The following GLYATL3 variants were observed in gnomAD, a reference collection of about 807,000 sequenced individuals.
GLYATL3 encodes glycine N-acyltransferase-like protein 3.
A neutral mutation model predicts 28.5 loss-of-function variants in GLYATL3; 31 were observed. The ratio of observed to expected loss-of-function variants is 1.09; its 90% CI spans 0.82 to 1.47. The LOEUF (loss-of-function observed/expected upper bound fraction) is 1.47, where lower values mean the gene tolerates loss of function less well. GLYATL3 is among the 40% of genes most tolerant of loss of function. The pLI is 0.00. For synonymous variants in GLYATL3, 141 were observed against 140.2 expected (o/e 1.01, Z -0.04); for missense variants, 369 against 351.5 (o/e 1.05, Z -0.40).
chr6:49,522,970 C>T (rs1769342183), intron 5 of GLYATL3, among the ~76,000 whole-genome samples: 2 of 151,720 alleles, frequency 1.3e-5, no homozygotes, highest in South Asian at 2.1e-4. Flanking sequence ...TAATATGTAA[C>T]TCTAAAAAAT....
At chr6:49,502,121 C>A (rs1372510248) in intron 1 of GLYATL3, among the ~76,000 whole-genome samples, 5 of 152,206 alleles carry the variant, frequency 3.3e-5, no homozygotes, top group African/African-American at 1.2e-4. Flanking sequence ...GGGGGTCTCC[C>A]TACATCTCCT....
chr6:49,519,479 A>C (rs1769278135), intron 4 of GLYATL3, among the ~76,000 whole-genome samples: 1 of 152,200 alleles, frequency 6.6e-6, no homozygotes, highest in African/African-American at 2.4e-5. Context: ...TGTTCTTGGA[A>C]TACTGAATAC....
At chr6:49,508,672 T>C (rs1473258780) in intron 1 of GLYATL3, among the ~76,000 whole-genome samples, 1 of 152,212 alleles carries the variant, frequency 6.6e-6, no homozygotes, top group Non-Finnish European at 1.5e-5. Flanking sequence ...CCTGAATGCA[T>C]GTCCCTTCAT....
At chr6:49,507,701 C>A (rs1466646186) in intron 1 of GLYATL3, among the ~76,000 whole-genome samples, 2 of 152,100 alleles carry the variant, frequency 1.3e-5, no homozygotes, top group Non-Finnish European at 2.9e-5. Context: ...ATCTAGCTAG[C>A]AGCCTGCAAT....
At chr6:49,507,776 A>G (rs1398267446) in intron 1 of GLYATL3, among the ~76,000 whole-genome samples, 2 of 152,058 alleles carry the variant, frequency 1.3e-5, no homozygotes, top group Non-Finnish European at 2.9e-5. Context: ...AGACACACAC[A>G]AGATAGTGAA....
At chr6:49,514,358 A>G (rs527388784) in intron 2 of GLYATL3, among the ~76,000 whole-genome samples, 1 of 152,302 alleles carries the variant, frequency 6.6e-6, no homozygotes, top group African/African-American at 2.4e-5. Context: ...CTGTTTTGTA[A>G]TCTACAGTAC....
At chr6:49,505,765 A>T (rs1397561639) in intron 1 of GLYATL3, among the ~76,000 whole-genome samples, 1 of 152,224 alleles carries the variant, frequency 6.6e-6, no homozygotes, top group Admixed American at 6.5e-5. Flanking sequence ...CAAAGTGGCC[A>T]TTTGATCAAG....
In GLYATL3 at chr6:49,520,096, G is replaced by C. The variant is rs188726835; in HGVS notation, c.314-1549G>C. Reference sequence around the variant, plus strand: ...TTTGTGGGAAAGGAGAAAATCATTTGTTAAAAGTCGTAACTTGTAAAGAAG... The same window carrying C: ...TTTGTGGGAAAGGAGAAAATCATTTCTTAAAAGTCGTAACTTGTAAAGAAG... On this transcript the variant is annotated intron_variant, in intron 4 of 5. Coordinates refer to ENST00000371197, the MANE Select transcript of GLYATL3 (RefSeq NM_001010904.2). Among the ~76,000 whole-genome samples, 3 of 152,264 alleles carry C rather than the reference G, an allele frequency of 2.0e-5. No individual in the cohort carries two copies. The East Asian group carries it at 5.8e-4, about 29-fold the overall frequency.
intron 1 of GLYATL3, among the ~76,000 whole-genome samples, chr6:49,511,093 C>G (rs1163679682): frequency 6.6e-6 from 1 of 152,238 alleles, no homozygotes; most frequent in Non-Finnish European, 1.5e-5. Context: ...GCTGAGTTCT[C>G]TTTGCCATCC....
chr6:49,524,751 GGTA>G (rs1228293994), intron 5 of GLYATL3, among the ~76,000 whole-genome samples: 1 of 151,922 alleles, frequency 6.6e-6, no homozygotes, highest in Non-Finnish European at 1.5e-5. Context: ...TGCCGAGGCG[GGTA>G]GATCACCCTG....
At chr6:49,523,159 A>G (rs186948273) in intron 5 of GLYATL3, among the ~76,000 whole-genome samples, 2 of 152,338 alleles carry the variant, frequency 1.3e-5, no homozygotes, top group Admixed American at 1.3e-4. Context: ...GAAAGGGAGC[A>G]TTGTGTAAAG....
chr6:49,523,597 C>T (rs1477961588), intron 5 of GLYATL3, among the ~76,000 whole-genome samples: 1 of 152,208 alleles, frequency 6.6e-6, no homozygotes, highest in Non-Finnish European at 1.5e-5. Flanking sequence ...CCTTGCAATT[C>T]GGCCTTTTTA....
intron 3 of GLYATL3, 77 bp downstream of exon 3, chr6:49,515,837 A>T (rs1671159606): frequency 1.2e-6 from 1 of 800,356 alleles, no homozygotes. Context: ...TTTTATAATC[A>T]TAGTAGCCAT....
At chr6:49,511,251 T>C (rs962900435) in intron 1 of GLYATL3, among the ~76,000 whole-genome samples, 1 of 152,068 alleles carries the variant, frequency 6.6e-6, no homozygotes, top group Non-Finnish European at 1.5e-5. Flanking sequence ...CCCCCAAATC[T>C]AAAAAAAATC....
At position 49,527,886 on chromosome 6, in the gene GLYATL3, C is replaced by T. The variant is rs2127242807; in HGVS notation, c.*972C>T. ...TTTGATAAGATAATAAATTTTAACC[C>T]TTTGATTACATATGAAAAATTTGAG... On this transcript the variant is annotated 3_prime_UTR_variant, in exon 6 of 6. Coordinates refer to ENST00000371197, the MANE Select transcript of GLYATL3 (RefSeq NM_001010904.2). Among the ~76,000 whole-genome samples the T allele has an allele frequency of 6.6e-6, 1 of 151,968 alleles. No individual in the cohort carries two copies. The highest frequency in any genetic ancestry group is 2.1e-4 in the South Asian group (1 of 4,810).
intron 1 of GLYATL3, among the ~76,000 whole-genome samples, chr6:49,507,890 G>A (rs903744541): frequency 2.0e-5 from 3 of 152,182 alleles, no homozygotes; most frequent in Non-Finnish European, 4.4e-5. Flanking sequence ...GGGTAGGTTA[G>A]TGAGGAATTT....
intron 1 of GLYATL3, among the ~76,000 whole-genome samples, chr6:49,506,707 G>C (rs149183393): frequency 0.01 from 1,555 of 152,150 alleles, 12 homozygotes; most frequent in Non-Finnish European, 0.016. Context: ...ATGGAGACAA[G>C]GACGGCTCAA....
intron 2 of GLYATL3, among the ~76,000 whole-genome samples, chr6:49,512,272 T>C (rs1253058448): frequency 6.7e-6 from 1 of 149,896 alleles, no homozygotes; most frequent in African/African-American, 2.4e-5. Flanking sequence ...TTTTCTTTTT[T>C]TTTTTTTCTT....
At chr6:49,524,268 G>A (rs934215548) in intron 5 of GLYATL3, among the ~76,000 whole-genome samples, 1 of 152,134 alleles carries the variant, frequency 6.6e-6, no homozygotes, top group African/African-American at 2.4e-5. Flanking sequence ...CTGCTTAGTG[G>A]ATAGATGACT....
Sources: gnomAD v4.1 joint callset for allele counts (sites outside exome capture counted in the v4.1 genomes callset) on GRCh38, gnomAD v4.1.1 for gene constraint, MANE v1.5 for transcripts, NCBI Gene and HGNC (gene_info 2026-07-23, HGNC 2026-07-21) for gene names.